ZNF407: variants seen among roughly 807,000 people sequenced by gnomAD.
ZNF407 encodes the protein zinc finger protein 407.
In ZNF407, 17 loss-of-function variants were observed where a neutral mutation model predicts 131.2. The observed-to-expected ratio is 0.13, with a 90% CI of 0.09 to 0.19. The LOEUF (loss-of-function observed/expected upper bound fraction) is 0.19, where lower values mean the gene tolerates loss of function less well. ZNF407 is among the 10% of genes least tolerant of loss of function. The pLI, the probability that ZNF407 is intolerant of heterozygous loss-of-function variation, is 1.00. For missense variants in ZNF407, 2,681 were observed against 2,830.6 expected, an observed-to-expected ratio of 0.95 and a Z score of 1.20; for synonymous variants, 1,156 against 1,062.0, an observed-to-expected ratio of 1.09 and a Z score of -1.72.
At chr18:74,780,840 G>C (rs1194101770) in intron 3 of ZNF407, among the ~76,000 whole-genome samples, 1 of 152,074 alleles carries the variant, frequency 6.6e-6, no homozygotes. Flanking sequence ...AAGCTGATTT[G>C]TGTATAAAAT....
chr18:74,781,199 C>G (rs1487371244), intron 3 of ZNF407, among the ~76,000 whole-genome samples: 1 of 152,098 alleles, frequency 6.6e-6, no homozygotes, highest in East Asian at 1.9e-4. Flanking sequence ...CTTTTGCTCA[C>G]TGTTAGTGTA....
At chr18:74,920,300 A>G (rs2554122) in intron 7 of ZNF407, among the ~76,000 whole-genome samples, 4,529 of 152,300 alleles carry the variant, frequency 0.03, 257 homozygotes, top group African/African-American at 0.1. Flanking sequence ...CTTCATAGAA[A>G]TGAAGCTAAA....
intron 8 of ZNF407, among the ~76,000 whole-genome samples, chr18:74,955,489 G>A (rs558346111): frequency 6.6e-6 from 1 of 152,312 alleles, no homozygotes; most frequent in South Asian, 2.1e-4. Flanking sequence ...TATGGAGCTG[G>A]CGCTGGGCTA....
At chr18:75,050,729 C>G (rs950970703) in intron 8 of ZNF407, among the ~76,000 whole-genome samples, 1 of 152,218 alleles carries the variant, frequency 6.6e-6, no homozygotes, top group Admixed American at 6.5e-5. Flanking sequence ...AGAAGACACC[C>G]TCTTTCTCTT....
At chr18:74,684,217 A>G (rs1019757117) in intron 3 of ZNF407, among the ~76,000 whole-genome samples, 1 of 152,090 alleles carries the variant, frequency 6.6e-6, no homozygotes, top group African/African-American at 2.4e-5. Flanking sequence ...AAAAGGAAAA[A>G]GTAAGGATTT....
At chr18:75,056,832 T>G (rs1973567548) in intron 8 of ZNF407, among the ~76,000 whole-genome samples, 1 of 152,256 alleles carries the variant, frequency 6.6e-6, no homozygotes, top group Admixed American at 6.5e-5. Context: ...TTTTAATTTG[T>G]CATTTTTCCT....
At chr18:74,700,424 G>T (rs190198218) in intron 3 of ZNF407, among the ~76,000 whole-genome samples, 3 of 152,104 alleles carry the variant, frequency 2.0e-5, no homozygotes, top group South Asian at 2.1e-4. Context: ...TGTGCTTTTC[G>T]CAAAGAGTAT....
chr18:74,879,184 A>G (rs1267594673), intron 5 of ZNF407, among the ~76,000 whole-genome samples: 14 of 152,342 alleles, frequency 9.2e-5, no homozygotes, highest in Admixed American at 7.2e-4. Context: ...GGGATTTTCT[A>G]TGCTTGTTCA....
intron 1 of ZNF407, among the ~76,000 whole-genome samples, chr18:74,601,545 C>G (rs1332842076): frequency 6.6e-6 from 1 of 152,140 alleles, no homozygotes; most frequent in Non-Finnish European, 1.5e-5. Flanking sequence ...TCTGCAGGCT[C>G]TACAGGAAGT....
At chr18:74,850,513 A>T (rs1970767235) in intron 4 of ZNF407, among the ~76,000 whole-genome samples, 1 of 152,266 alleles carries the variant, frequency 6.6e-6, no homozygotes, top group East Asian at 1.9e-4. Context: ...ACCTTATGGC[A>T]GATGCACTCC....
intron 4 of ZNF407, among the ~76,000 whole-genome samples, chr18:74,841,599 A>G (rs1412466224): frequency 1.3e-5 from 2 of 152,186 alleles, no homozygotes; most frequent in Non-Finnish European, 2.9e-5. Flanking sequence ...CTGCTACGTA[A>G]AAGGCCCTTA....
chr18:74,795,199 A>T (rs1427492741), intron 4 of ZNF407, among the ~76,000 whole-genome samples: 1 of 152,200 alleles, frequency 6.6e-6, no homozygotes, highest in African/African-American at 2.4e-5. Context: ...TTTTCCATTT[A>T]TTATGAAGAA....
At chr18:74,719,000 T>G (rs751775052) in intron 3 of ZNF407, among the ~76,000 whole-genome samples, 19 of 152,164 alleles carry the variant, frequency 1.2e-4, no homozygotes, top group Non-Finnish European at 2.2e-4. Context: ...TTTTGAGTAT[T>G]TTTTAATTAA....
At chr18:74,931,740 C>T (rs981096872) in intron 8 of ZNF407, among the ~76,000 whole-genome samples, 3 of 152,152 alleles carry the variant, frequency 2.0e-5, no homozygotes, top group African/African-American at 7.2e-5. Context: ...CGTCACTCCA[C>T]GTACTCACCA....
intron 8 of ZNF407, among the ~76,000 whole-genome samples, chr18:74,947,112 T>C (rs1288753870): frequency 1.3e-5 from 2 of 152,222 alleles, no homozygotes; most frequent in African/African-American, 2.4e-5. Context: ...CACCAGACTA[T>C]GCTGAAACCG....
chr18:74,645,182 G>T (rs914809772), intron 3 of ZNF407, among the ~76,000 whole-genome samples: 10 of 151,980 alleles, frequency 6.6e-5, no homozygotes, highest in Admixed American at 2.0e-4. Context: ...AGGAGGTAAG[G>T]GTCTAAAAGT....
chr18:74,943,608 G>A (rs774766381), intron 8 of ZNF407, among the ~76,000 whole-genome samples: 11 of 152,156 alleles, frequency 7.2e-5, no homozygotes, highest in Admixed American at 3.3e-4. Flanking sequence ...TGATCAATAC[G>A]TTAGACTGTT....
intron 3 of ZNF407, among the ~76,000 whole-genome samples, chr18:74,740,040 G>T (rs941661893): frequency 1.3e-5 from 2 of 152,088 alleles, no homozygotes; most frequent in African/African-American, 4.8e-5. Context: ...ACCACATATG[G>T]GGTGTCTTCA....
chr18:74,785,024 A>G (rs1969676946), intron 4 of ZNF407, among the ~76,000 whole-genome samples: 1 of 152,246 alleles, frequency 6.6e-6, no homozygotes, highest in Admixed American at 6.5e-5. Flanking sequence ...CTGTCAGGAC[A>G]TATCTGCACT....
Sources: allele counts gnomAD v4.1 joint callset (sites outside exome capture counted in the v4.1 genomes callset), GRCh38; gene constraint gnomAD v4.1.1; transcripts MANE v1.5; gene names NCBI Gene and HGNC (gene_info 2026-07-23, HGNC 2026-07-21).